Variants in SVEP1 observed in about 807,000 individuals in gnomAD.
SVEP1 encodes sushi, von Willebrand factor type A, EGF and pentraxin domain-containing protein 1.
Under a neutral mutation model 367.3 loss-of-function variants are expected in SVEP1, and 164 were observed. The ratio of observed to expected loss-of-function variants is 0.45; its 90% CI spans 0.39 to 0.51. SVEP1 has a LOEUF of 0.51. Ranked by LOEUF, SVEP1 falls within the 20% of genes least tolerant of loss-of-function variation. SVEP1 has a pLI of 0.00. For missense variants in SVEP1, 4,117 were observed against 4,425.3 expected (o/e 0.93, Z 1.98); for synonymous variants, 1,666 against 1,611.6 (o/e 1.03, Z -0.81).
chr9:110,375,534 TTAGA>T (rs1413409392), intron 45 of SVEP1, 71 bp from the exon 46 acceptor site: 1 of 1,354,914 alleles, frequency 7.4e-7, no homozygotes, highest in Non-Finnish European at 1.0e-6. Flanking sequence ...AGTACACATC[TTAGA>T]TAGGTTCAAG....
Position 110,408,447 on chromosome 9 carries a change from G to A in SVEP1, c.7153C>T (p.Pro2385Ser). The A allele has an allele frequency of 6.2e-7, 1 of 1,614,016 alleles. No individual in the cohort carries two copies. The highest frequency in any genetic ancestry group is 1.3e-5 in the African/African-American group (1 of 75,058). The change falls in exon 38 of 48, where the codon CCC becomes TCC. Residue 2385 changes from proline (P) to serine (S), a missense_variant. Physicochemically the swap from Pro to Ser is moderately conservative, Grantham distance 74. Transcript: ENST00000374469. ...ATGGGGACACCAAAGGAAATTAGGG[G>A]AGGTGGGGTACAAAGAACAATCTTA... ...VCKIVLCTPP[P>S]LISFGVPIPS...
At chr9:110,504,058 T>C (rs548816321) in intron 5 of SVEP1, among the ~76,000 whole-genome samples, 2 of 151,608 alleles carry the variant, frequency 1.3e-5, no homozygotes, top group African/African-American at 4.8e-5. Context: ...TTATTTTGTT[T>C]TGTTTTTTGT....
At chr9:110,540,850 T>C (rs767281915) in intron 3 of SVEP1, among the ~76,000 whole-genome samples, 21 of 152,174 alleles carry the variant, frequency 1.4e-4, no homozygotes, top group Non-Finnish European at 2.6e-4. Context: ...GTCCATGAAG[T>C]AGCTGCTTAC....
At chr9:110,558,315 G>A (rs1830379130) in intron 1 of SVEP1, among the ~76,000 whole-genome samples, 2 of 136,118 alleles carry the variant, frequency 1.5e-5, no homozygotes, top group African/African-American at 5.5e-5. Context: ...TGGGCAACAT[G>A]GAGAAACCCT....
intron 22 of SVEP1, 82 bp from the exon 23 acceptor site, chr9:110,451,484 C>A: frequency 1.1e-6 from 1 of 913,840 alleles, no homozygotes; most frequent in Admixed American, 2.5e-5. Flanking sequence ...GTTGTTCAGG[C>A]ATTGGAATAG....
At chr9:110,506,880 G>C (rs1425814332) in intron 5 of SVEP1, among the ~76,000 whole-genome samples, 1 of 152,080 alleles carries the variant, frequency 6.6e-6, no homozygotes, top group Non-Finnish European at 1.5e-5. Context: ...GAAGAGCAGG[G>C]TGAGGGGAAG....
chr9:110,571,679 T>G (rs1830564646), intron 1 of SVEP1, among the ~76,000 whole-genome samples: 1 of 152,212 alleles, frequency 6.6e-6, no homozygotes, highest in African/African-American at 2.4e-5. Flanking sequence ...TCCTAGCCAC[T>G]TCATTCATTC....
intron 37 of SVEP1, 61 bp downstream of exon 37, chr9:110,411,002 T>C: frequency 7.0e-7 from 1 of 1,432,486 alleles, no homozygotes; most frequent in South Asian, 1.5e-5. Context: ...TTGTTTTGTT[T>C]ATTTATTTAT....
intron 40 of SVEP1, among the ~76,000 whole-genome samples, chr9:110,395,881 T>C: frequency 3.3e-5 from 5 of 151,650 alleles, no homozygotes; most frequent in African/African-American, 1.2e-4. Context: ...CAAAGAGACT[T>C]AGACTCCCAC....
rs1246638457 is a variant in SVEP1 at position 110,503,142 on chromosome 9, G to A, written c.1379C>T (p.Thr460Ile). ...SCSTREMLYK[T>I]TCLVACDEGY... ...TTCATCACAGGCAACCAAACATGTT[G>A]TCTTATATAACATTTCCCTTGTAGA... The change falls in exon 6 of 48, where the codon ACA becomes ATA. Residue 460 changes from threonine (T) to isoleucine (I), a missense_variant. Coordinates refer to ENST00000374469, the MANE Select transcript of SVEP1 (RefSeq NM_153366.4). The A allele has an allele frequency of 6.2e-7, 1 of 1,613,584 alleles. No individual in the cohort carries two copies. The highest frequency in any genetic ancestry group is 1.3e-5 in the African/African-American group (1 of 75,008).
chr9:110,544,219 G>C (rs1019902072), intron 3 of SVEP1, among the ~76,000 whole-genome samples: 1 of 152,196 alleles, frequency 6.6e-6, no homozygotes, highest in African/African-American at 2.4e-5. Context: ...TCTATGTGGA[G>C]AGCAGACCCA....
chr9:110,429,056 G>T, intron 35 of SVEP1, 87 bp downstream of exon 35: 1 of 1,160,584 alleles, frequency 8.6e-7, no homozygotes. Context: ...GTGTCACAGT[G>T]AGACCATGTC....
At chr9:110,430,603 T>G (rs1434537607) in intron 32 of SVEP1, among the ~76,000 whole-genome samples, 153 bp from the exon 33 acceptor site, 1 of 152,174 alleles carries the variant, frequency 6.6e-6, no homozygotes, top group Non-Finnish European at 1.5e-5. Flanking sequence ...AGAGACACAT[T>G]GGACATTAGA....
intron 40 of SVEP1, among the ~76,000 whole-genome samples, chr9:110,393,743 C>G (rs1827706907): frequency 1.3e-5 from 2 of 152,196 alleles, no homozygotes; most frequent in African/African-American, 2.4e-5. Flanking sequence ...CCTATGCCCA[C>G]AGAGTCTCAC....
rs1414000774 is a variant in SVEP1, at chr9:110,373,054, T to C, written c.10600+2314A>G. Among the ~76,000 whole-genome samples the C allele has an allele frequency of 7.9e-5, 12 of 152,240 alleles. No individual in the cohort carries two copies. The East Asian group carries it at 2.3e-3, about 29-fold the overall frequency. ...GTGTGGAGTAGAATGTGAGAGATGCTGAGCAGGAAGGAACAAAAATAATGA... is the reference window on the plus strand; with the variant it reads ...GTGTGGAGTAGAATGTGAGAGATGCCGAGCAGGAAGGAACAAAAATAATGA... On this transcript the variant is annotated intron_variant, in intron 46 of 47. Coordinates refer to ENST00000374469, the MANE Select transcript of SVEP1 (RefSeq NM_153366.4).
At chr9:110,397,930 T>G (rs12682707) in intron 40 of SVEP1, among the ~76,000 whole-genome samples, 31,361 of 151,072 alleles carry the variant, frequency 0.21, 3,528 homozygotes, top group East Asian at 0.34. Flanking sequence ...AGGTAATTTA[T>G]AGATTCAATG....
intron 1 of SVEP1, among the ~76,000 whole-genome samples, chr9:110,575,536 G>A (rs1349203907): frequency 1.3e-5 from 2 of 152,086 alleles, no homozygotes; most frequent in Non-Finnish European, 2.9e-5. Flanking sequence ...CCTGCCTGGC[G>A]CGACTGCTTC....
chr9:110,404,463 C>G lies in SVEP1; in HGVS notation c.9530G>C (p.Ser3177Thr). Residue 3177 changes from serine to threonine, a missense_variant, in exon 39 of 48, where the codon AGT (serine) becomes ACT (threonine). Ser to Thr is a moderately conservative substitution (Grantham distance 58). This residue lies in a region of SVEP1 where 1,765 missense variants were observed against 1,781.1 expected (regional missense o/e 0.99). Coordinates refer to ENST00000374469, the MANE Select transcript of SVEP1 (RefSeq NM_153366.4). ...GRWFPERISC[S>T]PKKCPLPENI... ...TTCCGGGAGAGGACATTTTTTAGGA[C>G]TGCAGGAGATTCTCTCAGGGAACCA... The G allele has an allele frequency of 6.2e-7, 1 of 1,613,994 alleles. No homozygotes were observed. Among genetic ancestry groups the G allele is most frequent in the Non-Finnish European group, 8.5e-7 (1 of 1,179,890 alleles).
chr9:110,565,246 G>A lies in SVEP1; in HGVS notation c.531+13767C>T, dbSNP rs78416002. Among the ~76,000 whole-genome samples, 304 of 152,260 alleles carry A rather than the reference G, an allele frequency of 2.0e-3. 2 individuals are homozygous for A. The highest frequency in any genetic ancestry group is 7.1e-3 in the African/African-American group (293 of 41,542). ...AGATTAGGATAAATTGAATTTAGCT[G>A]GAAGACCAAGTCTTGTACTGAGGTT... On this transcript the variant is annotated intron_variant, in intron 1 of 47. Transcript: ENST00000374469.
Sources: gnomAD v4.1 joint callset for allele counts (sites outside exome capture counted in the v4.1 genomes callset) on GRCh38, gnomAD v4.1.1 for gene constraint, gnomAD v4.1.1 regional missense constraint, MANE v1.5 for transcripts, NCBI Gene and HGNC (gene_info 2026-07-23, HGNC 2026-07-21) for gene names.